Variants in PRDM12 observed in about 807,000 individuals in gnomAD.
PRDM12 encodes PR domain zinc finger protein 12.
A neutral mutation model predicts 29.6 loss-of-function variants in PRDM12; 17 were observed. The ratio of observed to expected loss-of-function variants is 0.57; its 90% confidence interval spans 0.39 to 0.86. PRDM12 has a LOEUF of 0.86. Among genes scored for constraint, PRDM12 ranks in the 40% least tolerant of loss-of-function variants. The probability of loss-of-function intolerance (pLI) is 0.00; values close to 1 mark genes in which losing one functional copy is unlikely to be tolerated. For missense variants in PRDM12, 422 were observed against 510.8 expected, an observed-to-expected ratio of 0.83 and a Z score of 1.68; for synonymous variants, 231 against 225.8, an observed-to-expected ratio of 1.02 and a Z score of -0.21.
chr9:130,675,548 C>T (rs971302315), intron 3 of PRDM12, among the ~76,000 whole-genome samples: 1 of 152,216 alleles, frequency 6.6e-6, no homozygotes, highest in Admixed American at 6.5e-5. Context: ...CGCCAGAAAC[C>T]GCTGCCAGCT....
chr9:130,678,696 G>A lies in PRDM12; in HGVS notation c.682+56G>A, dbSNP rs1020017799. ...CAGACCCATGGAGAGGGGAGCCCAGGGAGGGGAGAGAGAGAATGAGAGAGG... is the reference window on the plus strand; with the variant it reads ...CAGACCCATGGAGAGGGGAGCCCAGAGAGGGGAGAGAGAGAATGAGAGAGG... On this transcript the variant is annotated intron_variant, in intron 4 of 4. Transcript: ENST00000253008. 4.3e-6 allele frequency: 6 copies of A among 1,407,642 alleles called. No homozygotes were observed. In the African/African-American group the frequency reaches 7.2e-5, roughly 17 times the overall value. The allele number at this position is 1,407,642 out of a possible 1,614,324, so 87.2% of individuals were successfully genotyped here. A position where few individuals can be genotyped will look rare whatever the true frequency, so the allele number is the denominator to read the frequency against.
rs950393769 is a variant in PRDM12 at position 130,681,094 on chromosome 9, G to A, written c.683-154G>A. Among the ~76,000 whole-genome samples, 2 of 152,110 alleles carry A rather than the reference G, an allele frequency of 1.3e-5. No individual in the cohort carries two copies. The highest frequency in any genetic ancestry group is 2.9e-5 in the Non-Finnish European group (2 of 68,016). On this transcript the variant is annotated intron_variant, in intron 4 of 4. Coordinates refer to ENST00000253008, the MANE Select transcript of PRDM12 (RefSeq NM_021619.3). The surrounding 1 kb of genome is among the most constrained non-coding windows in gnomAD (Gnocchi z 8.1). ...GTACCCTTCGCTGTCCCTCCAGTCC[G>A]TCTGCCACCGTCCAAGCAGCACCCA...
chr9:130,668,229 C>T lies in PRDM12; in HGVS notation c.486C>T (p.Thr162=), dbSNP rs1384655108. Residue 162 remains threonine (T), a synonymous_variant, in exon 3 of 5, where the codon ACC becomes ACT. Coordinates refer to ENST00000253008, the MANE Select transcript of PRDM12 (RefSeq NM_021619.3). The surrounding 1 kb of genome is among the most constrained non-coding windows in gnomAD (Gnocchi z 4.0). Reference sequence around the variant, plus strand: ...AGGAGGACCACCGGAGCTGGATGACCTACATCAAGTGTGCACGTAACGAAC... The same window carrying T: ...AGGAGGACCACCGGAGCTGGATGACTTACATCAAGTGTGCACGTAACGAAC... ...ASQEDHRSWM[T]YIKCARNEQE... The T allele has an allele frequency of 6.2e-7, 1 of 1,614,096 alleles. No homozygotes were observed. Among genetic ancestry groups the T allele is most frequent in the African/African-American group, 1.3e-5 (1 of 74,924 alleles).
At chr9:130,670,247 C>T (rs1830775837) in intron 3 of PRDM12, among the ~76,000 whole-genome samples, 2 of 152,016 alleles carry the variant, frequency 1.3e-5, no homozygotes, top group Admixed American at 6.6e-5. Flanking sequence ...GAGTGACCGA[C>T]CTTTAGTCCA....
intron 1 of PRDM12, among the ~76,000 whole-genome samples, chr9:130,666,142 A>G (rs906441129): frequency 6.6e-6 from 1 of 152,174 alleles, no homozygotes; most frequent in Non-Finnish European, 1.5e-5. Flanking sequence ...CTCCTCTGCC[A>G]GTGCCCAGAG....
At position 130,681,540 on chromosome 9, in the gene PRDM12, G is replaced by A. The variant is rs1233793886; in HGVS notation, c.975G>A (p.Pro325=). Residue 325 remains proline (P), a synonymous_variant, in exon 5 of 5, where the codon CCG becomes CCA. Coordinates refer to ENST00000253008, the MANE Select transcript of PRDM12 (RefSeq NM_021619.3). The surrounding 1 kb of genome is among the most constrained non-coding windows in gnomAD (Gnocchi z 8.1). ...RAHQKSARHR[P]PSTALQAHSP... is the part of the protein sequence containing the mutation. ...ACCAGAAGAGCGCGCGGCACCGGCC[G>A]CCCAGCACCGCGCTGCAGGCACACT... 7 of 1,285,768 alleles carry A rather than the reference G, an allele frequency of 5.4e-6. No individual in the cohort carries two copies. Among genetic ancestry groups the A allele is most frequent in the African/African-American group, 1.5e-5 (1 of 64,668 alleles). 79.6% of individuals were successfully genotyped at this position (1,285,768 alleles called of 1,614,324 possible). A position where few individuals can be genotyped will look rare whatever the true frequency, so the allele number is the denominator to read the frequency against.
Position 130,664,845 on chromosome 9 carries a change from C to A in PRDM12, c.192C>A (p.Thr64=). The A allele has an allele frequency of 6.5e-7, 1 of 1,548,596 alleles. No homozygotes were observed. Among genetic ancestry groups the A allele is most frequent in the Non-Finnish European group, 8.7e-7 (1 of 1,147,330 alleles). ...ACGCCAGCCCCAAGACAGCCTTCACCGCCGAGGTGCTGGCGCAGTCCTTCT... is the reference window on the plus strand; with the variant it reads ...ACGCCAGCCCCAAGACAGCCTTCACAGCCGAGGTGCTGGCGCAGTCCTTCT... The part of the protein sequence containing the change: ...SHHASPKTAF[T]AEVLAQSFSG... The change falls in exon 1 of 5, where the codon ACC becomes ACA. Residue 64 remains threonine, a synonymous_variant. Transcript: ENST00000253008. The surrounding 1 kb of genome is among the most constrained non-coding windows in gnomAD (Gnocchi z 6.4).
intron 4 of PRDM12, among the ~76,000 whole-genome samples, chr9:130,680,091 C>A (rs1830880187): frequency 7.3e-5 from 11 of 151,676 alleles, no homozygotes; most frequent in Admixed American, 6.6e-4. Flanking sequence ...AATCCCAGTA[C>A]TTTGGGAAGC....
intron 3 of PRDM12, among the ~76,000 whole-genome samples, chr9:130,669,306 G>A (rs1830765645): frequency 6.6e-6 from 1 of 152,062 alleles, no homozygotes; most frequent in Non-Finnish European, 1.5e-5. Flanking sequence ...CAGCCTGGGC[G>A]ACAGAGCGAG....
chr9:130,671,250 C>T (rs1323927320), intron 3 of PRDM12, among the ~76,000 whole-genome samples: 1 of 152,054 alleles, frequency 6.6e-6, no homozygotes, highest in African/African-American at 2.4e-5. Flanking sequence ...GAGGCTGAGG[C>T]AGGAGAATTG....
At chr9:130,674,492 TTGTGTGTGTGTGTGTGTGTG>T (rs58489448) in intron 3 of PRDM12, among the ~76,000 whole-genome samples, 1 of 142,796 alleles carries the variant, frequency 7.0e-6, no homozygotes. Context: ...AAAAGATAAT[TTGTGTGTGTGTGTGTGTGTG>T]TGTGTGTGTG....
Position 130,681,649 on chromosome 9 carries a change from C to A in PRDM12, c.1084C>A (p.Leu362Met). The A allele has an allele frequency of 2.0e-6, 2 of 979,394 alleles. No individual in the cohort carries two copies. The highest frequency in any genetic ancestry group is 2.4e-6 in the Non-Finnish European group (2 of 827,226). The allele number at this position is 979,394 out of a possible 1,614,324, so 60.7% of individuals were successfully genotyped here. A position where few individuals can be genotyped will look rare whatever the true frequency, so the allele number is the denominator to read the frequency against. ...AAAAAAAAHH[L>M]PAMVL ...CGCCGCCGCCGCCGCCGCGCACCAC[C>A]TGCCGGCCATGGTGCTGTGAGCGCG... Residue 362 changes from leucine (L) to methionine (M), a missense_variant, in exon 5 of 5, where the codon CTG becomes ATG. This residue lies in a region of PRDM12 where 66 missense variants were observed against 61.5 expected (regional missense o/e 1.07). Transcript: ENST00000253008. This position sits in a 1 kb window ranked among gnomAD's most constrained non-coding sequence, Gnocchi z 8.1.
intron 4 of PRDM12, among the ~76,000 whole-genome samples, chr9:130,678,977 G>A (rs1485667451): frequency 6.6e-6 from 1 of 152,190 alleles, no homozygotes; most frequent in African/African-American, 2.4e-5. Context: ...TAGTTCTGCT[G>A]TACAATCTTG....
intron 3 of PRDM12, among the ~76,000 whole-genome samples, chr9:130,677,696 G>A (rs1379568989): frequency 1.3e-5 from 2 of 152,208 alleles, no homozygotes; most frequent in Non-Finnish European, 2.9e-5. Flanking sequence ...TGGCAGGCAG[G>A]CCCCTTGGGA....
At position 130,681,211 on chromosome 9, in the gene PRDM12, G is replaced by A; in HGVS notation, c.683-37G>A. 7 of 1,408,540 alleles carry A rather than the reference G, an allele frequency of 5.0e-6. No individual in the cohort carries two copies. Among genetic ancestry groups the A allele is most frequent in the Non-Finnish European group, 6.5e-6 (7 of 1,077,538 alleles). 87.3% of individuals were successfully genotyped at this position (1,408,540 alleles called of 1,614,324 possible). ...ACGGGGCTGCTCTCTCCCCTTCTCC[G>A]TCTCCCTTCCCCCGCCCCGCCCCGC... On this transcript the variant is annotated intron_variant, in intron 4 of 4. Coordinates refer to ENST00000253008, the MANE Select transcript of PRDM12 (RefSeq NM_021619.3). This position sits in a 1 kb window ranked among gnomAD's most constrained non-coding sequence, Gnocchi z 8.1.
rs1411591643 is a variant in PRDM12, at chr9:130,681,639, C to CGCT, written c.1076_1077insTGC (p.Ala359dup). On this transcript the variant is annotated inframe_insertion, in exon 5 of 5. Transcript: ENST00000253008. The surrounding 1 kb of genome is among the most constrained non-coding windows in gnomAD (Gnocchi z 8.1). ...CCGCCGCCGCCGCCGCCGCCGCCGC[C>CGCT]GCGCACCACCTGCCGGCCATGGTGC... 1.0e-6 allele frequency: 1 copy of CGCT among 978,922 alleles called. No homozygotes were observed. The highest frequency in any genetic ancestry group is 1.2e-6 in the Non-Finnish European group (1 of 826,866). The allele number at this position is 978,922 out of a possible 1,614,324, so 60.6% of individuals were successfully genotyped here.
At chr9:130,675,951 G>A (rs552647936) in intron 3 of PRDM12, among the ~76,000 whole-genome samples, 147 of 152,312 alleles carry the variant, frequency 9.7e-4, no homozygotes, top group African/African-American at 3.3e-3. Flanking sequence ...GGGAAACTCA[G>A]GGACCGTGTT....
At chr9:130,675,582 A>G (rs1417142536) in intron 3 of PRDM12, among the ~76,000 whole-genome samples, 2 of 152,238 alleles carry the variant, frequency 1.3e-5, no homozygotes, top group African/African-American at 4.8e-5. Flanking sequence ...GGCGAGCTCC[A>G]GGAAAAACAA....
chr9:130,672,761 T>C (rs1248686388), intron 3 of PRDM12, among the ~76,000 whole-genome samples: 2 of 152,188 alleles, frequency 1.3e-5, no homozygotes, highest in African/African-American at 4.8e-5. Context: ...CCAGATGACA[T>C]TGAGATCCTT....
Sources: gnomAD v4.1 joint callset for allele counts (sites outside exome capture counted in the v4.1 genomes callset) on GRCh38, gnomAD v4.1.1 for gene constraint, gnomAD v4.1.1 regional missense constraint, Gnocchi (gnomAD v3.1) non-coding constraint, MANE v1.5 for transcripts, NCBI Gene and HGNC (gene_info 2026-07-23, HGNC 2026-07-21) for gene names.